The following MYH15 variants were observed in gnomAD, a reference collection of about 807,000 sequenced individuals.
MYH15 encodes myosin heavy chain 15, also known as myosin-15.
In MYH15, 227 loss-of-function variants were observed where a neutral mutation model predicts 240.5. The ratio of observed to expected loss-of-function variants is 0.94; its 90% CI spans 0.85 to 1.05. The LOEUF (loss-of-function observed/expected upper bound fraction) is 1.05, where lower values mean the gene tolerates loss of function less well. Among genes scored for constraint, MYH15 ranks in the 50% least tolerant of loss-of-function variants. The pLI, the probability that MYH15 is intolerant of heterozygous loss-of-function variation, is 0.00. For missense variants in MYH15, 2,217 were observed against 2,247.5 expected (o/e 0.99, Z 0.27); for synonymous variants, 785 against 796.7 (o/e 0.99, Z 0.25).
intron 21 of MYH15, among the ~76,000 whole-genome samples, chr3:108,451,776 T>G (rs2082975726): frequency 6.6e-6 from 1 of 152,128 alleles, no homozygotes; most frequent in Non-Finnish European, 1.5e-5. Flanking sequence ...GATATTACAA[T>G]CAAACCCATC....
chr3:108,499,127 G>T (rs933790557), intron 5 of MYH15, among the ~76,000 whole-genome samples: 1 of 152,162 alleles, frequency 6.6e-6, no homozygotes, highest in African/African-American at 2.4e-5. Context: ...CCTCTGCTTA[G>T]CCAGTCCAGA....
chr3:108,515,510 C>T (rs541106700), upstream of MYH15, among the ~76,000 whole-genome samples: 166 of 152,328 alleles, frequency 1.1e-3, no homozygotes, highest in Non-Finnish European at 1.7e-3. Context: ...CCTTCCAGTA[C>T]ATTCTAATTT....
chr3:108,528,656 G>C (rs114153968), intron 1 of MYH15, among the ~76,000 whole-genome samples: 4 of 152,132 alleles, frequency 2.6e-5, no homozygotes, highest in African/African-American at 9.7e-5. Context: ...TCTATGTGCT[G>C]GGTACTATTA....
intron 1 of MYH15, chr3:108,529,202 A>G: frequency 6.6e-7 from 1 of 1,516,770 alleles, no homozygotes; most frequent in Non-Finnish European, 9.1e-7. Flanking sequence ...CTAGGCTGCT[A>G]CTGTCAGGCT....
At chr3:108,546,201 G>A in the MYH15 span, among the ~76,000 whole-genome samples, 5 of 152,178 alleles carry the variant, frequency 3.3e-5, no homozygotes, top group Non-Finnish European at 7.4e-5. Context: ...GTATGGAGTA[G>A]TTGATAGTAG....
chr3:108,507,054 AAATT>A (rs1489560294), intron 1 of MYH15, among the ~76,000 whole-genome samples: 1 of 151,782 alleles, frequency 6.6e-6, no homozygotes, highest in Non-Finnish European at 1.5e-5. Flanking sequence ...AAAGAAATAA[AAATT>A]AACCAGGTGT....
intron 6 of MYH15, among the ~76,000 whole-genome samples, chr3:108,497,078 G>A (rs568743945): frequency 9.4e-5 from 14 of 148,428 alleles, no homozygotes; most frequent in East Asian, 2.1e-4. Context: ...GGAGAATGGC[G>A]TGAACCCAGG....
At chr3:108,454,221 G>A in intron 20 of MYH15, 79 bp from the exon 21 acceptor site, 1 of 1,321,410 alleles carries the variant, frequency 7.6e-7, no homozygotes, top group Middle Eastern at 1.9e-4. Flanking sequence ...GTGAGCAACT[G>A]TTGTGTTCCT....
chr3:108,408,949 C>G (rs923463581), intron 31 of MYH15, among the ~76,000 whole-genome samples: 1 of 152,186 alleles, frequency 6.6e-6, no homozygotes, highest in South Asian at 2.1e-4. Context: ...TTTTTCCTAG[C>G]CTCTCATGAA....
In MYH15 at chr3:108,441,224, C is replaced by T. The variant is rs774418341; in HGVS notation, c.2692G>A (p.Glu898Lys). The T allele has an allele frequency of 5.0e-6, 8 of 1,614,104 alleles. No individual in the cohort carries two copies. The highest frequency in any genetic ancestry group is 2.2e-5 in the East Asian group (1 of 44,884). Residue 898 changes from glutamate to lysine, a missense_variant, in exon 23 of 41, where the codon GAG becomes AAG. Transcript: ENST00000693548. ...ETLANVEEQC[E>K]WLIKSKIQLE... ...TGGATCTTGGATTTAATCAGCCACT[C>T]GCACTGCTCTTCAACATTTGCCAGT...
chr3:108,543,193 T>C, the MYH15 span, among the ~76,000 whole-genome samples: 1 of 152,212 alleles, frequency 6.6e-6, no homozygotes, highest in Non-Finnish European at 1.5e-5. Flanking sequence ...TCATTCCTTT[T>C]TATGGCTGAA....
chr3:108,408,160 C>T, intron 32 of MYH15, 120 bp downstream of exon 32: 2 of 1,150,164 alleles, frequency 1.7e-6, no homozygotes, highest in Non-Finnish European at 2.4e-6. Context: ...GGCAGAGTGC[C>T]TAGCATATAG....
chr3:108,529,495 TG>T (rs2083697987), upstream of MYH15, among the ~76,000 whole-genome samples: 1 of 152,224 alleles, frequency 6.6e-6, no homozygotes, highest in African/African-American at 2.4e-5. Flanking sequence ...TGGAAGGCTT[TG>T]GCTATCTCGC....
At chr3:108,499,145 G>A (rs892323401) in intron 5 of MYH15, among the ~76,000 whole-genome samples, 2 of 152,130 alleles carry the variant, frequency 1.3e-5, no homozygotes, top group Non-Finnish European at 2.9e-5. Context: ...AGAGGCCTTT[G>A]AAGATGACCA....
intron 15 of MYH15, among the ~76,000 whole-genome samples, chr3:108,464,044 TA>T (rs2083093376): frequency 6.6e-6 from 1 of 152,180 alleles, no homozygotes; most frequent in Admixed American, 6.5e-5. Flanking sequence ...AAGAGAACTA[TA>T]AACATATCTG....
At chr3:108,410,964 A>G in intron 30 of MYH15, 32 bp from the exon 31 acceptor site, 3 of 1,520,900 alleles carry the variant, frequency 2.0e-6, no homozygotes, top group Non-Finnish European at 2.7e-6. Flanking sequence ...AGAGTGAGTG[A>G]GGCAATAACT....
At chr3:108,444,569 C>A in intron 22 of MYH15, 71 bp downstream of exon 22, 1 of 1,541,944 alleles carries the variant, frequency 6.5e-7, no homozygotes, top group Non-Finnish European at 8.8e-7. Context: ...GTTTCCGTGT[C>A]AACACTGCCT....
At chr3:108,427,872 G>A (rs1455792073) in intron 27 of MYH15, among the ~76,000 whole-genome samples, 1 of 152,184 alleles carries the variant, frequency 6.6e-6, no homozygotes, top group Non-Finnish European at 1.5e-5. Flanking sequence ...CTAGCCATTT[G>A]CTCTGCTTAA....
At chr3:108,494,978 C>G (rs12490504) in intron 7 of MYH15, among the ~76,000 whole-genome samples, 13,310 of 152,160 alleles carry the variant, frequency 0.087, 1,646 homozygotes, top group East Asian at 0.58. Flanking sequence ...TAAAACATCC[C>G]AAATCTACCA....
Sources: allele counts gnomAD v4.1 joint callset (sites outside exome capture counted in the v4.1 genomes callset), GRCh38; gene constraint gnomAD v4.1.1; transcripts MANE v1.5; gene names NCBI Gene and HGNC (gene_info 2026-07-23, HGNC 2026-07-21).